ENTPD7: variants seen among roughly 807,000 people sequenced by gnomAD.
ENTPD7 encodes NTPDase 7.
ENTPD7 carries 53 observed loss-of-function variants against 77.9 expected under a neutral mutation model. That is an observed-to-expected ratio of 0.68 (90% confidence interval 0.55 to 0.85). ENTPD7 has a LOEUF of 0.85. Among genes scored for constraint, ENTPD7 ranks in the 40% least tolerant of loss-of-function variants. ENTPD7 has a pLI of 0.00. For missense variants in ENTPD7, 636 were observed against 743.7 expected (o/e 0.86, Z 1.68); for synonymous variants, 248 against 274.9 (o/e 0.90, Z 0.97).
chr10:99,689,020 C>A (rs187263841), intron 7 of ENTPD7, among the ~76,000 whole-genome samples: 2 of 151,934 alleles, frequency 1.3e-5, no homozygotes, highest in Admixed American at 1.3e-4. Flanking sequence ...GCCATTTCTC[C>A]CCCATATCCC....
At chr10:99,694,934 C>T (rs983516865) in intron 8 of ENTPD7, among the ~76,000 whole-genome samples, 7 of 152,116 alleles carry the variant, frequency 4.6e-5, no homozygotes, top group African/African-American at 1.7e-4. Context: ...AACAAGAATC[C>T]TCATTTTATA....
intron 3 of ENTPD7, among the ~76,000 whole-genome samples, chr10:99,674,123 C>G (rs2035651574): frequency 6.6e-6 from 1 of 152,158 alleles, no homozygotes; most frequent in African/African-American, 2.4e-5. Context: ...ACTGAGAAGC[C>G]ATGTCCAAGG....
At chr10:99,683,288 C>T (rs2035775628) in intron 5 of ENTPD7, among the ~76,000 whole-genome samples, 1 of 152,108 alleles carries the variant, frequency 6.6e-6, no homozygotes, top group African/African-American at 2.4e-5. Flanking sequence ...AATTTATTAG[C>T]ATTTGTAAGC....
chr10:99,697,550 G>C (rs1228833562), intron 9 of ENTPD7: 1 of 155,948 alleles, frequency 6.4e-6, no homozygotes, highest in Non-Finnish European at 1.4e-5. Flanking sequence ...TGAGTAAAAG[G>C]CATATCTTGT....
At chr10:99,692,848 G>A (rs2035905556) in intron 8 of ENTPD7, among the ~76,000 whole-genome samples, 1 of 140,348 alleles carries the variant, frequency 7.1e-6, no homozygotes, top group Non-Finnish European at 1.6e-5. Flanking sequence ...AACTGTGAAG[G>A]TCCTTCTCAG....
intron 3 of ENTPD7, among the ~76,000 whole-genome samples, chr10:99,676,817 T>C (rs1191906367): frequency 6.6e-6 from 1 of 152,212 alleles, no homozygotes; most frequent in East Asian, 1.9e-4. Flanking sequence ...TTTTACCATC[T>C]GCTTCATTTC....
rs771741634 is a variant in ENTPD7, at chr10:99,707,027, G to C, written c.*2344G>C. ...AATAGCCATTATTTGTTATGCCTTTGTTATGTAGCAGACACTCTTAAGGAT... is the reference window on the plus strand; with the variant it reads ...AATAGCCATTATTTGTTATGCCTTTCTTATGTAGCAGACACTCTTAAGGAT... On this transcript the variant is annotated 3_prime_UTR_variant, in exon 13 of 13. Coordinates refer to ENST00000370489, the MANE Select transcript of ENTPD7 (RefSeq NM_020354.5). 6.6e-6 allele frequency among the ~76,000 whole-genome samples: 1 copy of C among 152,060 alleles called. No homozygotes were observed. Among genetic ancestry groups the C allele is most frequent in the South Asian group, 2.1e-4 (1 of 4,814 alleles).
chr10:99,669,685 C>T (rs1412668491), intron 3 of ENTPD7, among the ~76,000 whole-genome samples: 1 of 150,270 alleles, frequency 6.7e-6, no homozygotes, highest in Admixed American at 6.6e-5. Context: ...ATCCCCTGAC[C>T]CTACACATGC....
At position 99,704,476 on chromosome 10, in the gene ENTPD7, A is replaced by T. The variant is rs1459177101; in HGVS notation, c.1608A>T (p.Arg536=). 2 of 1,614,242 alleles carry T rather than the reference A, an allele frequency of 1.2e-6. No individual in the cohort carries two copies. The highest frequency in any genetic ancestry group is 2.2e-5 in the South Asian group (2 of 91,088). ...GGGATCTTCGGCAGGAAGGTGTCCGACAAGCCCATGGTAGCTGGTTCCGTC... is the reference window on the plus strand; with the variant it reads ...GGGATCTTCGGCAGGAAGGTGTCCGTCAAGCCCATGGTAGCTGGTTCCGTC... The part of the protein sequence containing the change: ...PLRDLRQEGV[R]QAHGSWFRLS... The change falls in exon 13 of 13, where the codon CGA becomes CGT. Residue 536 remains arginine, a synonymous_variant. Coordinates refer to ENST00000370489, the MANE Select transcript of ENTPD7 (RefSeq NM_020354.5).
intron 3 of ENTPD7, among the ~76,000 whole-genome samples, chr10:99,678,461 C>A (rs2035712462): frequency 6.7e-6 from 1 of 148,904 alleles, no homozygotes; most frequent in African/African-American, 2.5e-5. Context: ...GAGCGAGACT[C>A]CATCTCAAAA....
chr10:99,691,534 G>C lies in ENTPD7; in HGVS notation c.843+16G>C. 6.2e-7 allele frequency: 1 copy of C among 1,612,012 alleles called. No homozygotes were observed. Among genetic ancestry groups the C allele is most frequent in the South Asian group, 1.1e-5 (1 of 90,944 alleles). Reference sequence around the variant, plus strand: ...TGCAAAGCAGGTACTTTACCTTTTAGGGAAATTTAGTTGCTAGGAATGCTA... The same window carrying C: ...TGCAAAGCAGGTACTTTACCTTTTACGGAAATTTAGTTGCTAGGAATGCTA... On this transcript the variant is annotated intron_variant, in intron 8 of 12. Transcript: ENST00000370489.
intron 12 of ENTPD7, among the ~76,000 whole-genome samples, chr10:99,703,655 A>C (rs2133527142): frequency 6.6e-6 from 1 of 152,300 alleles, no homozygotes; most frequent in South Asian, 2.1e-4. Flanking sequence ...ACTGTAATAC[A>C]GTTGATCAGG....
chr10:99,671,105 C>A (rs541029978), intron 3 of ENTPD7, among the ~76,000 whole-genome samples: 25 of 152,144 alleles, frequency 1.6e-4, no homozygotes, highest in African/African-American at 5.8e-4. Flanking sequence ...CTGGAAGTTT[C>A]TCAGAGTGAG....
At chr10:99,689,405 G>GA (rs1349577872) in intron 7 of ENTPD7, among the ~76,000 whole-genome samples, 1 of 152,104 alleles carries the variant, frequency 6.6e-6, no homozygotes, top group East Asian at 1.9e-4. Flanking sequence ...TTAAAAGCAA[G>GA]AAAAAATTGG....
rs748017544 is a variant in ENTPD7 at position 99,661,520 on chromosome 10, G to A, written c.83G>A (p.Arg28Gln). The A allele has an allele frequency of 8.1e-6, 13 of 1,613,708 alleles. No individual in the cohort carries two copies. Among genetic ancestry groups the A allele is most frequent in the Admixed American group, 3.3e-5 (2 of 59,950 alleles). ...VPTVSPFLRQRVAFLGLFFIS... is the reference protein window; with the variant it reads ...VPTVSPFLRQQVAFLGLFFIS... ...ACAGTGAGTCCATTTCTCCGTCAGC[G>A]GGTGGCATTCCTGGGACTCTTCTTC... The change falls in exon 3 of 13, where the codon CGG becomes CAG. Residue 28 changes from arginine to glutamine, a missense_variant. By Grantham distance (43) the Arg-to-Gln change is conservative. Transcript: ENST00000370489.
chr10:99,701,111 A>G, intron 11 of ENTPD7, 53 bp downstream of exon 11: 2 of 1,366,706 alleles, frequency 1.5e-6, no homozygotes, highest in Non-Finnish European at 2.1e-6. Context: ...TAGATGGCAG[A>G]TTATAATGGA....
In ENTPD7 at chr10:99,705,375, T is replaced by G. The variant is rs1385937343; in HGVS notation, c.*692T>G. 2 of 152,648 alleles carry G rather than the reference T, an allele frequency of 1.3e-5. No individual in the cohort carries two copies. Among genetic ancestry groups the G allele is most frequent in the Non-Finnish European group, 2.9e-5 (2 of 68,068 alleles). The allele number at this position is 152,648 out of a possible 1,614,324, so 9.5% of individuals were successfully genotyped here. A position where few individuals can be genotyped will look rare whatever the true frequency, so the allele number is the denominator to read the frequency against. On this transcript the variant is annotated 3_prime_UTR_variant, in exon 13 of 13. Transcript: ENST00000370489. ...TTAGTATCTTATCTGATGCCTGGTA[T>G]GATGAGGATAGAAAATTTTTCCATT...
chr10:99,696,605 A>G (rs909172392), intron 9 of ENTPD7, among the ~76,000 whole-genome samples: 1 of 152,236 alleles, frequency 6.6e-6, no homozygotes, highest in Non-Finnish European at 1.5e-5. Flanking sequence ...TCAAATTCAT[A>G]ATAGTCAGTT....
At chr10:99,689,036 G>A (rs904689765) in intron 7 of ENTPD7, among the ~76,000 whole-genome samples, 1 of 151,400 alleles carries the variant, frequency 6.6e-6, no homozygotes, top group Admixed American at 6.6e-5. Context: ...ATCCCCCCAT[G>A]TATTAAAGGT....
Sources: allele counts gnomAD v4.1 joint callset (sites outside exome capture counted in the v4.1 genomes callset), GRCh38; gene constraint gnomAD v4.1.1; transcripts MANE v1.5; gene names NCBI Gene and HGNC (gene_info 2026-07-23, HGNC 2026-07-21).